Variants in IQGAP1 observed in about 807,000 individuals in gnomAD.
IQGAP1 encodes the protein IQ motif containing GTPase activating protein 1.
IQGAP1 carries 66 observed loss-of-function variants against 215.6 expected under a neutral mutation model. The observed-to-expected ratio is 0.31, with a 90% CI of 0.25 to 0.38. The LOEUF (loss-of-function observed/expected upper bound fraction) is 0.38, where lower values mean the gene tolerates loss of function less well. Among genes scored for constraint, IQGAP1 ranks in the 10% least tolerant of loss-of-function variants. The pLI is 1.00. For missense variants in IQGAP1, 1,712 were observed against 1,997.1 expected, an observed-to-expected ratio of 0.86 and a Z score of 2.72; for synonymous variants, 772 against 728.7, an observed-to-expected ratio of 1.06 and a Z score of -0.96.
rs1966204499 is a variant in IQGAP1, at chr15:90,491,517, AC to A, written c.4435del (p.Gln1479ArgfsTer3). ...GGAACCGTGGACCCAAAGAACAAAT[AC>A]CAGGAACTGATCAACGACATTGCCA... ...ELGTVDPKNK[Y>X]QELINDIARD... On this transcript the variant is annotated frameshift_variant, in exon 34 of 38. Coordinates refer to ENST00000268182, the MANE Select transcript of IQGAP1 (RefSeq NM_003870.4). LOFTEE classifies it high-confidence loss of function. The A allele has an allele frequency of 6.2e-7, 1 of 1,614,006 alleles. No homozygotes were observed.
At chr15:90,481,196 G>A (rs1966053329) in intron 26 of IQGAP1, among the ~76,000 whole-genome samples, 1 of 151,392 alleles carries the variant, frequency 6.6e-6, no homozygotes, top group South Asian at 2.1e-4. Flanking sequence ...GTGGCTGTGT[G>A]GTTCCAGCCT....
intron 30 of IQGAP1, 100 bp downstream of exon 30, chr15:90,484,452 A>T (rs1966098531): frequency 1.2e-6 from 1 of 852,252 alleles, no homozygotes; most frequent in Non-Finnish European, 1.8e-6. Flanking sequence ...CCTTCCTGTA[A>T]TCTAACTGAC....
chr15:90,395,528 G>A (rs1037363781), intron 2 of IQGAP1, among the ~76,000 whole-genome samples: 2 of 152,124 alleles, frequency 1.3e-5, no homozygotes, highest in African/African-American at 2.4e-5. Flanking sequence ...CACCGTGTTA[G>A]CCAGGATAGT....
intron 30 of IQGAP1, among the ~76,000 whole-genome samples, chr15:90,485,442 TTTG>T (rs1287405942): frequency 6.6e-6 from 1 of 152,040 alleles, no homozygotes; most frequent in Non-Finnish European, 1.5e-5. Context: ...GTTTGTTTGT[TTTG>T]TTTTGTTTTT....
intron 11 of IQGAP1, 91 bp downstream of exon 11, chr15:90,449,734 C>A: frequency 1.9e-6 from 2 of 1,060,106 alleles, no homozygotes; most frequent in Non-Finnish European, 2.8e-6. Flanking sequence ...TCATCACCCA[C>A]TCTGAGCCTA....
At chr15:90,492,441 AGT>A in intron 34 of IQGAP1, 102 bp from the exon 35 acceptor site, 9 of 667,912 alleles carry the variant, frequency 1.3e-5, no homozygotes, top group South Asian at 5.4e-5. Context: ...AAAAAAAAAA[AGT>A]AGGTAGTCAT....
chr15:90,452,839 G>C lies in IQGAP1; in HGVS notation c.1227G>C (p.Leu409Phe). The C allele has an allele frequency of 6.2e-7, 1 of 1,614,118 alleles. No homozygotes were observed. The highest frequency in any genetic ancestry group is 8.5e-7 in the Non-Finnish European group (1 of 1,180,012). ...IQKGVAEKTV[L>F]ELMNPEAQLP... is the part of the protein sequence containing the mutation. Reference sequence around the variant, plus strand: ...AGGGTGTTGCTGAGAAGACTGTTTTGGAACTGATGAATCCCGAAGCCCAGC... The same window carrying C: ...AGGGTGTTGCTGAGAAGACTGTTTTCGAACTGATGAATCCCGAAGCCCAGC... Residue 409 changes from leucine (L) to phenylalanine (F), a missense_variant, in exon 12 of 38, where the codon TTG (leucine) becomes TTC (phenylalanine). Around this residue, in one of 2 missense-constraint regions of IQGAP1, gnomAD observed 1,021 missense variants for 1,074.2 expected, o/e 0.95. Coordinates refer to ENST00000268182, the MANE Select transcript of IQGAP1 (RefSeq NM_003870.4).
At position 90,491,429 on chromosome 15, in the gene IQGAP1, A is replaced by C; in HGVS notation, c.4345A>C (p.Asn1449His). Reference sequence around the variant, plus strand: ...GTCAAAATCTGTAAAGGAAGACAGCAACCTCACTCTTCAAGAGAAGAAAGA... The same window carrying C: ...GTCAAAATCTGTAAAGGAAGACAGCCACCTCACTCTTCAAGAGAAGAAAGA... The part of the protein sequence containing the change: ...KKSKSVKEDS[N>H]LTLQEKKEKI... The change falls in exon 34 of 38, where the codon AAC becomes CAC. Residue 1449 changes from asparagine (N) to histidine (H), a missense_variant. Asn to His is a moderately conservative substitution (Grantham distance 68). Transcript: ENST00000268182. 6.2e-7 allele frequency: 1 copy of C among 1,614,134 alleles called. No homozygotes were observed. The highest frequency in any genetic ancestry group is 8.5e-7 in the Non-Finnish European group (1 of 1,179,972).
At chr15:90,412,983 A>G (rs981985975) in intron 2 of IQGAP1, among the ~76,000 whole-genome samples, 4 of 152,056 alleles carry the variant, frequency 2.6e-5, no homozygotes, top group Non-Finnish European at 5.9e-5. Context: ...CCTAATTCAG[A>G]TTTCCACCCT....
intron 2 of IQGAP1, among the ~76,000 whole-genome samples, chr15:90,394,653 C>T (rs754211359): frequency 6.6e-6 from 1 of 152,146 alleles, no homozygotes; most frequent in Admixed American, 6.5e-5. Flanking sequence ...TGGTTTGGTT[C>T]CATCCTGTTT....
rs527313460 is a variant in IQGAP1, at chr15:90,401,128, G to T, written c.155+10255G>T. ...CCGAGTGAAGTGCCAGTGGAACCTG[G>T]AGGGCCTGTGGCCTACCGGATCAAA... On this transcript the variant is annotated intron_variant, in intron 2 of 37. Transcript: ENST00000268182. Among the ~76,000 whole-genome samples the T allele has an allele frequency of 3.4e-4, 51 of 152,238 alleles. 1 individual carries two copies. Among genetic ancestry groups the T allele is most frequent in the Middle Eastern group, 3.4e-3 (1 of 294 alleles).
rs1965333490 is a variant in IQGAP1 at position 90,433,738 on chromosome 15, C to T, written c.410C>T (p.Thr137Ile). The part of the protein sequence containing the change: ...GLPKIFYPET[T>I]DIYDRKNMPR... ...CCCTAGATTTTTTACCCAGAAACTACAGATATCTATGATCGAAAGAACATG... is the reference window on the plus strand; with the variant it reads ...CCCTAGATTTTTTACCCAGAAACTATAGATATCTATGATCGAAAGAACATG... Residue 137 changes from threonine (T) to isoleucine (I), a missense_variant, in exon 5 of 38, where the codon ACA becomes ATA. This residue lies in a region of IQGAP1 where 1,021 missense variants were observed against 1,074.2 expected (regional missense o/e 0.95). Transcript: ENST00000268182. 1 of 1,603,592 alleles carries T rather than the reference C, an allele frequency of 6.2e-7. No homozygotes were observed.
At chr15:90,403,294 C>G (rs1461597224) in intron 2 of IQGAP1, among the ~76,000 whole-genome samples, 1 of 152,076 alleles carries the variant, frequency 6.6e-6, no homozygotes, top group Non-Finnish European at 1.5e-5. Flanking sequence ...TTGGGCAATA[C>G]CTTTTCATAA....
Position 90,486,834 on chromosome 15 carries a change from T to C in IQGAP1, c.4025-120T>C. 3 of 982,404 alleles carry C rather than the reference T, an allele frequency of 3.1e-6. No homozygotes were observed. The South Asian group carries it at 4.8e-5, about 16-fold the overall frequency. The allele number at this position is 982,404 out of a possible 1,614,324, so 60.9% of individuals were successfully genotyped here. On this transcript the variant is annotated intron_variant, in intron 31 of 37. Transcript: ENST00000268182. The stretch of plus-strand genomic sequence containing the variant: ...TCAGTAAAAGTTGTTCTCGTCACAC[T>C]GTATGTGTTAGGTGATTCAAGTATT...
intron 2 of IQGAP1, among the ~76,000 whole-genome samples, chr15:90,400,016 T>C (rs902038201): frequency 2.6e-5 from 4 of 152,120 alleles, no homozygotes; most frequent in Admixed American, 2.6e-4. Flanking sequence ...GTAACTTGAT[T>C]TTTTTTTCCT....
At chr15:90,405,910 A>G (rs745594130) in intron 2 of IQGAP1, among the ~76,000 whole-genome samples, 4 of 151,888 alleles carry the variant, frequency 2.6e-5, no homozygotes, top group Non-Finnish European at 5.9e-5. Context: ...CTTCTCAGCT[A>G]TTTTGTGTTT....
At chr15:90,412,463 T>C (rs1964980490) in intron 2 of IQGAP1, among the ~76,000 whole-genome samples, 1 of 152,178 alleles carries the variant, frequency 6.6e-6, no homozygotes. Flanking sequence ...CTTCCAAGGG[T>C]CTGCACATTC....
chr15:90,481,954 T>G lies in IQGAP1; in HGVS notation c.3330-6T>G. 6.2e-7 allele frequency: 1 copy of G among 1,614,070 alleles called. No individual in the cohort carries two copies. Among genetic ancestry groups the G allele is most frequent in the South Asian group, 1.1e-5 (1 of 91,058 alleles). On this transcript the variant is annotated splice_polypyrimidine_tract_variant and splice_region_variant and intron_variant, in intron 26 of 37. Coordinates refer to ENST00000268182, the MANE Select transcript of IQGAP1 (RefSeq NM_003870.4). ...ACATAGTTGGGTATAATTTCTGTCT[T>G]CCCAGCAAACTGCCCTATGATGTGA...
Position 90,500,179 on chromosome 15 carries a change from T to TTCC in IQGAP1, c.*74_*76dup. The TTCC allele has an allele frequency of 1.2e-6, 1 of 850,582 alleles. No individual in the cohort carries two copies. Among genetic ancestry groups the TTCC allele is most frequent in the South Asian group, 1.4e-5 (1 of 70,120 alleles). 52.7% of individuals were successfully genotyped at this position (850,582 alleles called of 1,614,324 possible). On this transcript the variant is annotated 3_prime_UTR_variant, in exon 38 of 38. Coordinates refer to ENST00000268182, the MANE Select transcript of IQGAP1 (RefSeq NM_003870.4). ...TCACAGCTCCTTTCTAGGTCCTTCT[T>TTCC]TCCTCATTGGAAGCAAAGACCTAGC...
Sources: gnomAD v4.1 joint callset for allele counts (sites outside exome capture counted in the v4.1 genomes callset) on GRCh38, gnomAD v4.1.1 for gene constraint, gnomAD v4.1.1 regional missense constraint, MANE v1.5 for transcripts, NCBI Gene and HGNC (gene_info 2026-07-23, HGNC 2026-07-21) for gene names.